Variants in PTPRT observed in about 807,000 individuals in gnomAD.
PTPRT encodes the protein protein tyrosine phosphatase receptor type T.
Under a neutral mutation model 176.8 loss-of-function variants are expected in PTPRT, and 56 were observed. That is an observed-to-expected ratio of 0.32 (90% CI 0.26 to 0.40). The LOEUF is 0.40. Among genes scored for constraint, PTPRT ranks in the 10% least tolerant of loss-of-function variants. The pLI, the probability that PTPRT is intolerant of heterozygous loss-of-function variation, is 1.00. For missense variants in PTPRT, 1,540 were observed against 1,908.2 expected (o/e 0.81, Z 3.60); for synonymous variants, 783 against 739.0 (o/e 1.06, Z -0.96).
intron 7 of PTPRT, among the ~76,000 whole-genome samples, chr20:42,524,710 G>T (rs866523492): frequency 2.9e-4 from 44 of 152,076 alleles, no homozygotes; most frequent in African/African-American, 1.0e-3. Context: ...TTTGAATATT[G>T]TCCCTTCCTT....
chr20:42,577,795 A>G (rs1473517117), intron 7 of PTPRT, among the ~76,000 whole-genome samples: 1 of 151,314 alleles, frequency 6.6e-6, no homozygotes, highest in Non-Finnish European at 1.5e-5. Flanking sequence ...AGGGAGAAGC[A>G]GTCTAACCAA....
At chr20:42,695,946 C>T (rs906604817) in intron 6 of PTPRT, among the ~76,000 whole-genome samples, 7 of 152,122 alleles carry the variant, frequency 4.6e-5, no homozygotes, top group African/African-American at 1.4e-4. Flanking sequence ...TCAGTGACTC[C>T]CTCCTCCTGT....
At chr20:42,507,597 C>T (rs1283197650) in intron 7 of PTPRT, among the ~76,000 whole-genome samples, 1 of 152,134 alleles carries the variant, frequency 6.6e-6, no homozygotes, top group Non-Finnish European at 1.5e-5. Flanking sequence ...GAACTAATGT[C>T]TTAATACATG....
chr20:42,989,174 G>A (rs1983758020), intron 1 of PTPRT, among the ~76,000 whole-genome samples: 1 of 152,242 alleles, frequency 6.6e-6, no homozygotes, highest in Non-Finnish European at 1.5e-5. Context: ...GGGTGGTACT[G>A]AGTAAAGGGC....
At chr20:42,426,684 A>T (rs1380352642) in intron 9 of PTPRT, among the ~76,000 whole-genome samples, 1 of 152,180 alleles carries the variant, frequency 6.6e-6, no homozygotes, top group Non-Finnish European at 1.5e-5. Context: ...CCAGAGCCCA[A>T]AAGTGCTAGC....
chr20:42,740,997 G>A (rs1000167289), intron 6 of PTPRT, among the ~76,000 whole-genome samples: 1 of 152,218 alleles, frequency 6.6e-6, no homozygotes, highest in Non-Finnish European at 1.5e-5. Context: ...GCATGTGCAT[G>A]TGCATGCTGG....
chr20:43,053,779 T>C (rs1484020626), intron 1 of PTPRT, among the ~76,000 whole-genome samples: 1 of 152,204 alleles, frequency 6.6e-6, no homozygotes, highest in Non-Finnish European at 1.5e-5. Context: ...GAGCTGTATC[T>C]GCTCACCGCT....
At chr20:42,342,525 G>A (rs934193515) in intron 11 of PTPRT, among the ~76,000 whole-genome samples, 1 of 152,182 alleles carries the variant, frequency 6.6e-6, no homozygotes, top group African/African-American at 2.4e-5. Flanking sequence ...GAATAAATGA[G>A]GTTTGGAGAA....
chr20:42,625,705 A>G (rs1423815781), intron 7 of PTPRT, among the ~76,000 whole-genome samples: 1 of 152,060 alleles, frequency 6.6e-6, no homozygotes, highest in Non-Finnish European at 1.5e-5. Context: ...ACAAGTGGTG[A>G]TGGGCACAGG....
At chr20:42,885,550 G>A (rs1477140537) in intron 2 of PTPRT, among the ~76,000 whole-genome samples, 1 of 152,036 alleles carries the variant, frequency 6.6e-6, no homozygotes, top group Non-Finnish European at 1.5e-5. Context: ...AAAACCCAGT[G>A]ATACCTACTT....
At position 42,705,358 on chromosome 20, in the gene PTPRT, C is replaced by A. The variant is rs183276628; in HGVS notation, c.860-27199G>T. ...AAGGGTGGTGGGATTATCGTTGGTT[C>A]TTATAGGTTTGGGATAGGTGGTGGA... On this transcript the variant is annotated intron_variant, in intron 6 of 30. Coordinates refer to ENST00000373187, the MANE Select transcript of PTPRT (RefSeq NM_007050.6). Among the ~76,000 whole-genome samples, 636 of 138,178 alleles carry A rather than the reference C, an allele frequency of 4.6e-3. 3 individuals are homozygous for A. The highest frequency in any genetic ancestry group is 0.019 in the Middle Eastern group (5 of 270). 90.7% of individuals were successfully genotyped at this position (138,178 alleles called of 152,430 possible).
chr20:42,473,007 C>T (rs1364226190), intron 7 of PTPRT, among the ~76,000 whole-genome samples: 1 of 152,108 alleles, frequency 6.6e-6, no homozygotes, highest in East Asian at 1.9e-4. Context: ...GTCAGCCTCT[C>T]CTCTTCAGCC....
rs1982649226 is a variant in PTPRT at position 42,075,156 on chromosome 20, CAAAT to C, written c.*5719_*5722del. The C allele has an allele frequency of 3.4e-6, 1 of 297,848 alleles. No homozygotes were observed. The highest frequency in any genetic ancestry group is 2.1e-5 in the African/African-American group (1 of 46,958). 18.5% of individuals were successfully genotyped at this position (297,848 alleles called of 1,614,324 possible). A position where few individuals can be genotyped will look rare whatever the true frequency, so the allele number is the denominator to read the frequency against. On this transcript the variant is annotated 3_prime_UTR_variant, in exon 31 of 31. Coordinates refer to ENST00000373187, the MANE Select transcript of PTPRT (RefSeq NM_007050.6). The stretch of plus-strand genomic sequence containing the variant: ...GGAAACTTTGCATGGGAGGAGTAAA[CAAAT>C]CTGAATCTCAGCTTGTCTCTTCTAG...
intron 7 of PTPRT, among the ~76,000 whole-genome samples, chr20:42,567,967 T>A (rs949710707): frequency 5.9e-5 from 9 of 151,584 alleles, no homozygotes; most frequent in African/African-American, 2.2e-4. Context: ...GGTTTGCTTT[T>A]TTTTGCTTTT....
At chr20:42,545,782 A>G (rs1568966664) in intron 7 of PTPRT, among the ~76,000 whole-genome samples, 1 of 152,170 alleles carries the variant, frequency 6.6e-6, no homozygotes, top group African/African-American at 2.4e-5. Context: ...AAAGACTCCC[A>G]TAGGCTGTTA....
At chr20:43,157,132 G>A (rs558967645) in intron 1 of PTPRT, among the ~76,000 whole-genome samples, 4 of 151,788 alleles carry the variant, frequency 2.6e-5, no homozygotes, top group East Asian at 3.9e-4. Context: ...CGGGAGGATC[G>A]CTTGAGCCCA....
At chr20:43,008,385 G>C (rs926921956) in intron 1 of PTPRT, among the ~76,000 whole-genome samples, 1 of 152,096 alleles carries the variant, frequency 6.6e-6, no homozygotes, top group Non-Finnish European at 1.5e-5. Flanking sequence ...GATTTCCCAG[G>C]CTCCAGAACT....
At chr20:42,876,244 G>A (rs1238991595) in intron 2 of PTPRT, among the ~76,000 whole-genome samples, 1 of 152,132 alleles carries the variant, frequency 6.6e-6, no homozygotes, top group African/African-American at 2.4e-5. Flanking sequence ...TGCTAAATGG[G>A]AACATAAGAA....
chr20:42,032,122 C>T, the PTPRT span, among the ~76,000 whole-genome samples: 1 of 151,716 alleles, frequency 6.6e-6, no homozygotes, highest in Non-Finnish European at 1.5e-5. Context: ...TTTTTTTAAA[C>T]TGGAATTTGA....
Sources: gnomAD v4.1 joint callset for allele counts (sites outside exome capture counted in the v4.1 genomes callset) on GRCh38, gnomAD v4.1.1 for gene constraint, MANE v1.5 for transcripts, NCBI Gene and HGNC (gene_info 2026-07-23, HGNC 2026-07-21) for gene names.